ANO3: variants seen among roughly 807,000 people sequenced by gnomAD.
ANO3 encodes anoctamin-3.
Under a neutral mutation model 144.8 loss-of-function variants are expected in ANO3, and 99 were observed. That is an observed-to-expected ratio of 0.68 (90% confidence interval 0.58 to 0.81). The LOEUF (loss-of-function observed/expected upper bound fraction) is 0.81, where lower values mean the gene tolerates loss of function less well. Among genes scored for constraint, ANO3 ranks in the 30% least tolerant of loss-of-function variants. ANO3 has a pLI of 0.00. For missense variants in ANO3, 905 were observed against 1,202.2 expected, an observed-to-expected ratio of 0.75 and a Z score of 3.66; for synonymous variants, 414 against 392.6, an observed-to-expected ratio of 1.05 and a Z score of -0.64.
chr11:26,508,359 A>G, intron 5 of ANO3, 97 bp downstream of exon 5: 1 of 1,086,174 alleles, frequency 9.2e-7, no homozygotes, highest in Non-Finnish European at 1.3e-6. Context: ...ACATGACTTT[A>G]TAAAATACAT....
intron 3 of ANO3, among the ~76,000 whole-genome samples, chr11:26,450,539 T>C (rs1235425918): frequency 6.6e-6 from 1 of 152,332 alleles, no homozygotes; most frequent in East Asian, 1.9e-4. Flanking sequence ...ACAGAAAGCT[T>C]CTGTAGGATA....
chr11:26,243,349 T>TC (rs1852703365), intron 1 of ANO3, among the ~76,000 whole-genome samples: 1 of 152,020 alleles, frequency 6.6e-6, no homozygotes. Flanking sequence ...CTTTTTTTTT[T>TC]CACAGGACTT....
At chr11:26,649,453 G>A (rs1853453652) in intron 24 of ANO3, among the ~76,000 whole-genome samples, 1 of 152,124 alleles carries the variant, frequency 6.6e-6, no homozygotes, top group Non-Finnish European at 1.5e-5. Flanking sequence ...AATAAGAAAT[G>A]TTCGGCCGGG....
chr11:26,290,705 G>T (rs11029491), intron 1 of ANO3, among the ~76,000 whole-genome samples: 13,132 of 152,094 alleles, frequency 0.086, 1,197 homozygotes, highest in African/African-American at 0.23. Flanking sequence ...TCAGTTTCCA[G>T]GTAGTTGAGC....
At chr11:26,364,604 A>G (rs1856012336) in intron 1 of ANO3, among the ~76,000 whole-genome samples, 1 of 152,208 alleles carries the variant, frequency 6.6e-6, no homozygotes, top group South Asian at 2.1e-4. Flanking sequence ...TAGTCTCATT[A>G]CATGGTGAAA....
At chr11:26,556,677 C>T (rs116408068) in intron 13 of ANO3, among the ~76,000 whole-genome samples, 1 of 152,050 alleles carries the variant, frequency 6.6e-6, no homozygotes, top group African/African-American at 2.4e-5. Context: ...ATCAAGACTG[C>T]ATTTTTTATG....
At chr11:26,550,621 A>C (rs574568255) in intron 12 of ANO3, among the ~76,000 whole-genome samples, 1 of 152,146 alleles carries the variant, frequency 6.6e-6, no homozygotes, top group East Asian at 1.9e-4. Context: ...CTAAGACCAA[A>C]TAATATTGCA....
At chr11:26,474,244 G>A (rs374875794) in intron 4 of ANO3, 2 of 289,872 alleles carry the variant, frequency 6.9e-6, no homozygotes, top group Non-Finnish European at 1.0e-5. Context: ...GGAATTGAGT[G>A]TATCTGTTAT....
intron 13 of ANO3, chr11:26,559,442 A>T (rs1418521270): frequency 3.4e-6 from 1 of 292,842 alleles, no homozygotes; most frequent in East Asian, 5.8e-5. Context: ...CTTCCATAGA[A>T]TGGTAGAATT....
chr11:26,630,220 A>G (rs548222510), intron 18 of ANO3, among the ~76,000 whole-genome samples: 1 of 152,374 alleles, frequency 6.6e-6, no homozygotes, highest in East Asian at 1.9e-4. Context: ...TATAAGATTT[A>G]GAGGTATGTG....
At chr11:26,253,810 T>C (rs1239662038) in intron 1 of ANO3, among the ~76,000 whole-genome samples, 1 of 152,132 alleles carries the variant, frequency 6.6e-6, no homozygotes, top group Non-Finnish European at 1.5e-5. Context: ...CCAAGCTAGA[T>C]GGCAAATCTC....
At position 26,537,461 on chromosome 11, in the gene ANO3, G is replaced by A. The variant is rs1322505934; in HGVS notation, c.1032G>A (p.Glu344=). The A allele has an allele frequency of 6.2e-7, 1 of 1,612,554 alleles. No homozygotes were observed. Among genetic ancestry groups the A allele is most frequent in the Non-Finnish European group, 8.5e-7 (1 of 1,178,688 alleles). ...ACATAGCAGCGTTTCCACCACATGA[G>A]GTAATTTTGAAATACAGTTTCCGCT... ...GSYIAAFPPH[E]GAYKSSQPIK... Residue 344 remains glutamate, a splice_region_variant and synonymous_variant, in exon 10 of 27, where the codon GAG becomes GAA. Transcript: ENST00000256737.
chr11:26,293,576 T>A (rs1454466185), intron 1 of ANO3, among the ~76,000 whole-genome samples: 1 of 138,020 alleles, frequency 7.2e-6, no homozygotes, highest in African/African-American at 2.6e-5. Flanking sequence ...TATATATATA[T>A]TCCTGTTGTT....
chr11:26,382,691 C>A (rs1856621771), intron 1 of ANO3, among the ~76,000 whole-genome samples: 1 of 152,248 alleles, frequency 6.6e-6, no homozygotes, highest in Non-Finnish European at 1.5e-5. Context: ...CAGTGATGAA[C>A]TAGCCTTGTA....
chr11:26,240,905 G>A (rs1852649895), intron 1 of ANO3, among the ~76,000 whole-genome samples: 1 of 152,052 alleles, frequency 6.6e-6, no homozygotes, highest in Admixed American at 6.6e-5. Flanking sequence ...ATGACAGCCT[G>A]TGTTAACATT....
intron 1 of ANO3, among the ~76,000 whole-genome samples, chr11:26,377,601 T>C (rs1482502491): frequency 1.3e-5 from 2 of 152,190 alleles, no homozygotes; most frequent in Admixed American, 1.3e-4. Context: ...ATTGGAAATC[T>C]GGAAAAAGAA....
intron 14 of ANO3, among the ~76,000 whole-genome samples, chr11:26,586,882 A>C (rs989880583): frequency 6.6e-6 from 1 of 151,992 alleles, no homozygotes; most frequent in African/African-American, 2.4e-5. Context: ...TTAACTATGC[A>C]TGCCAAACTT....
chr11:26,483,945 G>C (rs1446924327), intron 4 of ANO3, among the ~76,000 whole-genome samples: 2 of 152,150 alleles, frequency 1.3e-5, no homozygotes, highest in Non-Finnish European at 2.9e-5. Context: ...GGAACTTATT[G>C]GGAACTTGAG....
chr11:26,346,653 C>T (rs1300022331), intron 1 of ANO3, among the ~76,000 whole-genome samples: 1 of 152,106 alleles, frequency 6.6e-6, no homozygotes, highest in African/African-American at 2.4e-5. Flanking sequence ...ACCCAAAGCC[C>T]AGTGCTTTTG....
Sources: gnomAD v4.1 joint callset for allele counts (sites outside exome capture counted in the v4.1 genomes callset) on GRCh38, gnomAD v4.1.1 for gene constraint, MANE v1.5 for transcripts, NCBI Gene and HGNC (gene_info 2026-07-23, HGNC 2026-07-21) for gene names.